The following CAVIN2 variants were observed in gnomAD, a reference collection of about 807,000 sequenced individuals.
CAVIN2 encodes caveolae associated protein 2, also known as caveolae-associated protein 2.
In CAVIN2, 13 loss-of-function variants were observed where a neutral mutation model predicts 11.7. The ratio of observed to expected loss-of-function variants is 1.11; its 90% CI spans 0.72 to 1.77. The LOEUF (loss-of-function observed/expected upper bound fraction) is 1.77, where lower values mean the gene tolerates loss of function less well. Among genes scored for constraint, CAVIN2 ranks in the 40% most tolerant of loss-of-function variants. The pLI is 0.00. For synonymous variants in CAVIN2, 237 were observed against 223.2 expected (o/e 1.06, Z -0.55); for missense variants, 549 against 542.9 (o/e 1.01, Z -0.11).
Position 191,836,340 on chromosome 2 carries a change from GC to G in CAVIN2, c.860del (p.Ser287ThrfsTer88). On this transcript the variant is annotated frameshift_variant, in exon 2 of 2. Coordinates refer to ENST00000304141, the MANE Select transcript of CAVIN2 (RefSeq NM_004657.6). LOFTEE classifies it low-confidence loss of function (END_TRUNC). ...TGAGGGGAGAAACCTTGAAGGGGGA[GC>G]TTTTTCCTGAGGATATTTTCTGGTG... ...SNHQKISSGKSSPFKVSPLTF... is the reference protein window; with the variant it reads ...SNHQKISSGKXSPFKVSPLTF... 6.2e-7 allele frequency: 1 copy of G among 1,614,158 alleles called. No individual in the cohort carries two copies. The highest frequency in any genetic ancestry group is 8.5e-7 in the Non-Finnish European group (1 of 1,180,034).
chr2:191,836,770 T>C (rs1690028955), intron 1 of CAVIN2, 53 bp from the exon 2 acceptor site: 1 of 1,503,472 alleles, frequency 6.7e-7, no homozygotes, highest in Non-Finnish European at 9.0e-7. Flanking sequence ...TCACAAATAG[T>C]CCTGAGCTGC....
At chr2:191,845,428 C>T (rs1690151217) in intron 1 of CAVIN2, among the ~76,000 whole-genome samples, 3 of 152,198 alleles carry the variant, frequency 2.0e-5, no homozygotes, top group African/African-American at 7.2e-5. Flanking sequence ...ATAGCCTCTC[C>T]CCTCCATGGC....
intron 1 of CAVIN2, among the ~76,000 whole-genome samples, chr2:191,841,700 A>T (rs539534768): frequency 3.2e-4 from 48 of 152,332 alleles, no homozygotes; most frequent in African/African-American, 1.1e-3. Flanking sequence ...CATTCATTCA[A>T]TTCAAATAGA....
At chr2:191,839,487 T>A (rs535558653) in intron 1 of CAVIN2, among the ~76,000 whole-genome samples, 14 of 152,220 alleles carry the variant, frequency 9.2e-5, no homozygotes, top group African/African-American at 3.4e-4. Context: ...GGAAAGTTAT[T>A]ATAAGGTGAA....
rs116139574 is a variant in CAVIN2, at chr2:191,843,362, A to G, written c.483+3081T>C. On this transcript the variant is annotated intron_variant, in intron 1 of 1. Transcript: ENST00000304141. ...TCCTTTCTCGCTCTCTTATTTTTAC[A>G]TAATTTTTTGTCTTAAATTAGAAAC... Among the ~76,000 whole-genome samples the G allele has an allele frequency of 9.3e-3, 1,409 of 152,300 alleles. 25 individuals are homozygous for G. Among genetic ancestry groups the G allele is most frequent in the African/African-American group, 0.032 (1,333 of 41,558 alleles).
rs749445717 is a variant in CAVIN2, at chr2:191,846,612, G to A, written c.314C>T (p.Ala105Val). The A allele has an allele frequency of 6.2e-6, 10 of 1,614,232 alleles. No homozygotes were observed. The highest frequency in any genetic ancestry group is 8.5e-6 in the Non-Finnish European group (10 of 1,180,036). Residue 105 changes from alanine to valine, a missense_variant, in exon 1 of 2, where the codon GCC (alanine) becomes GTC (valine). Coordinates refer to ENST00000304141, the MANE Select transcript of CAVIN2 (RefSeq NM_004657.6). ...CTTGCTCACCGTGTTGCTGGTGGAGGCCTGGTACTTGGAGAGCTTGGTGAG... is the reference window on the plus strand; with the variant it reads ...CTTGCTCACCGTGTTGCTGGTGGAGACCTGGTACTTGGAGAGCTTGGTGAG... Reference protein sequence around the residue: ...NDLTKLSKYQASTSNTVSKLL... With the variant: ...NDLTKLSKYQVSTSNTVSKLL...
chr2:191,846,783 CG>C lies in CAVIN2; in HGVS notation c.142del (p.Arg48GlyfsTer6), dbSNP rs1179503342. On this transcript the variant is annotated frameshift_variant, in exon 1 of 2. Coordinates refer to ENST00000304141, the MANE Select transcript of CAVIN2 (RefSeq NM_004657.6). LOFTEE classifies it high-confidence loss of function. ...GACTGCGTTCACCTGTGAGTTGTCCCGGATGGCCTCCTCTGTGTTCCCTAGG... is the reference window on the plus strand; with the variant it reads ...GACTGCGTTCACCTGTGAGTTGTCCCGATGGCCTCCTCTGTGTTCCCTAGG... ...LNLGNTEEAI[R>X]DNSQVNAVTV... 19 of 1,614,068 alleles carry C rather than the reference CG, an allele frequency of 1.2e-5. No homozygotes were observed. In the Admixed American group the frequency reaches 2.5e-4, roughly 21 times the overall value.
In CAVIN2 at chr2:191,846,600, T is replaced by TTGC. The variant is rs1259267891; in HGVS notation, c.323_325dup (p.Ser108dup). The TTGC allele has an allele frequency of 2.5e-6, 4 of 1,614,260 alleles. No homozygotes were observed. The highest frequency in any genetic ancestry group is 3.4e-6 in the Non-Finnish European group (4 of 1,180,044). On this transcript the variant is annotated inframe_insertion, in exon 1 of 2. Transcript: ENST00000304141. ...CTTCTCCAGCAGCTTGCTCACCGTG[T>TTGC]TGCTGGTGGAGGCCTGGTACTTGGA...
chr2:191,846,395 T>C, intron 1 of CAVIN2, 48 bp downstream of exon 1: 3 of 1,544,778 alleles, frequency 1.9e-6, no homozygotes, highest in Non-Finnish European at 2.6e-6. Flanking sequence ...AGATCAAGAA[T>C]GATAAGGAGT....
In CAVIN2 at chr2:191,846,640, C is replaced by G. The variant is rs761073775; in HGVS notation, c.286G>C (p.Asp96His). 6 of 1,614,102 alleles carry G rather than the reference C, an allele frequency of 3.7e-6. No homozygotes were observed. In the East Asian group the frequency reaches 1.3e-4, roughly 36 times the overall value. Reference sequence around the variant, plus strand: ...TGGTACTTGGAGAGCTTGGTGAGGTCATTCTGGATGCCCTTCACGGAGCCC... The same window carrying G: ...TGGTACTTGGAGAGCTTGGTGAGGTGATTCTGGATGCCCTTCACGGAGCCC... ...LEGSVKGIQN[D>H]LTKLSKYQAS... The change falls in exon 1 of 2, where the codon GAC becomes CAC. Residue 96 changes from aspartate (D) to histidine (H), a missense_variant. Transcript: ENST00000304141.
rs202211687 is a variant in CAVIN2, at chr2:191,846,976, G to A, written c.-51C>T. The A allele has an allele frequency of 1.6e-5, 24 of 1,544,690 alleles. No individual in the cohort carries two copies. Among genetic ancestry groups the A allele is most frequent in the Non-Finnish European group, 2.0e-5 (23 of 1,152,918 alleles). ...CTCTCTGGGAGCTGCTTCTTGCTCG[G>A]GTGAGAAGTTGCGGTGGTGAGGGTG... On this transcript the variant is annotated 5_prime_UTR_variant, in exon 1 of 2. Coordinates refer to ENST00000304141, the MANE Select transcript of CAVIN2 (RefSeq NM_004657.6).
At chr2:191,839,514 G>A (rs1019015932) in intron 1 of CAVIN2, among the ~76,000 whole-genome samples, 1 of 152,172 alleles carries the variant, frequency 6.6e-6, no homozygotes, top group African/African-American at 2.4e-5. Flanking sequence ...ATGATCTGTG[G>A]TAGATACACA....
At chr2:191,842,375 C>T (rs1690106775) in intron 1 of CAVIN2, among the ~76,000 whole-genome samples, 1 of 152,172 alleles carries the variant, frequency 6.6e-6, no homozygotes, top group Admixed American at 6.5e-5. Flanking sequence ...TTACTAGAAC[C>T]TAAGAGGACG....
intron 1 of CAVIN2, among the ~76,000 whole-genome samples, chr2:191,843,153 C>A (rs997240368): frequency 1.3e-5 from 2 of 152,152 alleles, no homozygotes; most frequent in Admixed American, 6.5e-5. Context: ...CATTGCACTC[C>A]AGCCTTGGCA....
intron 1 of CAVIN2, among the ~76,000 whole-genome samples, chr2:191,842,700 G>C (rs1299305571): frequency 6.6e-6 from 1 of 152,194 alleles, no homozygotes; most frequent in Non-Finnish European, 1.5e-5. Context: ...AGGATTTTAA[G>C]ATTTATTTTA....
intron 1 of CAVIN2, among the ~76,000 whole-genome samples, chr2:191,845,463 G>T (rs1329098183): frequency 4.6e-5 from 7 of 152,132 alleles, no homozygotes; most frequent in Non-Finnish European, 1.0e-4. Flanking sequence ...CTATTCATAT[G>T]GTCACAACGA....
chr2:191,838,878 A>G (rs1449941512), intron 1 of CAVIN2, among the ~76,000 whole-genome samples: 1 of 152,218 alleles, frequency 6.6e-6, no homozygotes, highest in Admixed American at 6.5e-5. Flanking sequence ...TGAGGACTAT[A>G]AAAGAACAAG....
chr2:191,845,866 A>G (rs982153397), intron 1 of CAVIN2, among the ~76,000 whole-genome samples: 18 of 152,196 alleles, frequency 1.2e-4, no homozygotes, highest in Non-Finnish European at 2.5e-4. Context: ...GAACTCCACA[A>G]GATTGCTTTG....
chr2:191,844,528 T>G (rs1690137983), intron 1 of CAVIN2, among the ~76,000 whole-genome samples: 1 of 152,300 alleles, frequency 6.6e-6, no homozygotes, highest in African/African-American at 2.4e-5. Context: ...GGGCCCAGAA[T>G]GGAGTCCGAG....
Sources: gnomAD v4.1 joint callset for allele counts (sites outside exome capture counted in the v4.1 genomes callset) on GRCh38, gnomAD v4.1.1 for gene constraint, MANE v1.5 for transcripts, NCBI Gene and HGNC (gene_info 2026-07-23, HGNC 2026-07-21) for gene names.